Variants in STK33 observed in about 807,000 individuals in gnomAD.
STK33 encodes the protein serine/threonine kinase 33, also known as serine/threonine-protein kinase 33.
STK33 carries 52 observed loss-of-function variants against 58.0 expected under a neutral mutation model. The ratio of observed to expected loss-of-function variants is 0.90; its 90% CI spans 0.72 to 1.13. The LOEUF (loss-of-function observed/expected upper bound fraction) is 1.13. STK33 is among the 50% of genes most tolerant of loss of function. STK33 has a pLI of 0.00. For missense variants in STK33, 630 were observed against 604.2 expected, an observed-to-expected ratio of 1.04 and a Z score of -0.45; for synonymous variants, 215 against 200.1, an observed-to-expected ratio of 1.07 and a Z score of -0.63.
intron 2 of STK33, among the ~76,000 whole-genome samples, chr11:8,479,374 A>C (rs1286376181): frequency 6.6e-6 from 1 of 151,042 alleles, no homozygotes; most frequent in Non-Finnish European, 1.5e-5. Flanking sequence ...CGGAGATTGC[A>C]GTGAGCCAAG....
chr11:8,407,285 AGAGATATTGG>A (rs1939400978), intron 15 of STK33, among the ~76,000 whole-genome samples: 3 of 152,072 alleles, frequency 2.0e-5, no homozygotes, highest in African/African-American at 7.2e-5. Context: ...ATAATTTATG[AGAGATATTGG>A]CTAATAATTT....
chr11:8,412,167 T>G (rs1034798690), intron 15 of STK33, among the ~76,000 whole-genome samples: 1 of 152,196 alleles, frequency 6.6e-6, no homozygotes, highest in Non-Finnish European at 1.5e-5. Flanking sequence ...CATGTATATG[T>G]GTATGTGTGT....
At chr11:8,495,813 C>T (rs1158581340) in intron 1 of STK33, among the ~76,000 whole-genome samples, 1 of 152,040 alleles carries the variant, frequency 6.6e-6, no homozygotes, top group Non-Finnish European at 1.5e-5. Context: ...ATGGATGAAG[C>T]TGAAAACCAT....
intron 1 of STK33, among the ~76,000 whole-genome samples, chr11:8,539,636 G>T (rs1449341131): frequency 6.6e-6 from 1 of 152,152 alleles, no homozygotes; most frequent in Non-Finnish European, 1.5e-5. Flanking sequence ...GATAGCAAAA[G>T]ATTCGAAGAA....
At chr11:8,369,503 C>T in the STK33 span, among the ~76,000 whole-genome samples, 5 of 120,766 alleles carry the variant, frequency 4.1e-5, no homozygotes, top group Non-Finnish European at 8.1e-5. Flanking sequence ...GCTTCTTTGT[C>T]ATTTGTGTGG....
chr11:8,522,000 G>GA (rs552387226), intron 1 of STK33, among the ~76,000 whole-genome samples: 12 of 151,666 alleles, frequency 7.9e-5, no homozygotes, highest in African/African-American at 1.5e-4. Flanking sequence ...AGGATGTGGA[G>GA]AAAAAAAACA....
intron 11 of STK33, among the ~76,000 whole-genome samples, chr11:8,442,475 C>T (rs558250733): frequency 6.6e-6 from 1 of 152,276 alleles, no homozygotes; most frequent in East Asian, 1.9e-4. Context: ...ACTGTCATCC[C>T]AGCCCTCATA....
chr11:8,554,344 G>A (rs777862442), intron 1 of STK33, among the ~76,000 whole-genome samples: 4 of 151,134 alleles, frequency 2.6e-5, no homozygotes, highest in Non-Finnish European at 5.9e-5. Context: ...GCTTGAATCC[G>A]GGAGGTTGAG....
chr11:8,560,090 C>T (rs942527338), intron 1 of STK33, among the ~76,000 whole-genome samples: 27 of 151,994 alleles, frequency 1.8e-4, no homozygotes, highest in African/African-American at 6.5e-4. Context: ...ACAAATGATG[C>T]TATATGCAAT....
intron 1 of STK33, among the ~76,000 whole-genome samples, chr11:8,491,938 A>T (rs1950648011): frequency 6.6e-6 from 1 of 152,212 alleles, no homozygotes; most frequent in African/African-American, 2.4e-5. Context: ...AGAGCTCCTG[A>T]AGGAAGCACC....
chr11:8,564,566 T>C (rs920957482), intron 1 of STK33, among the ~76,000 whole-genome samples: 3 of 152,150 alleles, frequency 2.0e-5, no homozygotes, highest in African/African-American at 7.2e-5. Context: ...AATGTACTCT[T>C]CCTAAGTATC....
chr11:8,413,431 A>T, intron 15 of STK33, 64 bp downstream of exon 15: 1 of 1,570,670 alleles, frequency 6.4e-7, no homozygotes, highest in Non-Finnish European at 8.7e-7. Flanking sequence ...TTTGCAAAAA[A>T]AATGTTCCAG....
chr11:8,429,404 C>A (rs954881649), intron 14 of STK33, among the ~76,000 whole-genome samples: 1 of 152,160 alleles, frequency 6.6e-6, no homozygotes, highest in Non-Finnish European at 1.5e-5. Context: ...ACAAAACCAG[C>A]ACTTCTAGAC....
chr11:8,468,204 A>C (rs1349618412), intron 6 of STK33, among the ~76,000 whole-genome samples: 1 of 152,138 alleles, frequency 6.6e-6, no homozygotes, highest in East Asian at 1.9e-4. Context: ...TGTGCAGAGA[A>C]ACTCCCATTT....
intron 1 of STK33, among the ~76,000 whole-genome samples, chr11:8,574,401 GAAAGA>G (rs1022432631): frequency 6.6e-6 from 1 of 151,752 alleles, no homozygotes; most frequent in African/African-American, 2.4e-5. Flanking sequence ...AAAGTTAAAA[GAAAGA>G]AAAAAGATAA....
At chr11:8,534,253 C>A (rs565940825) in intron 1 of STK33, among the ~76,000 whole-genome samples, 1 of 150,014 alleles carries the variant, frequency 6.7e-6, no homozygotes, top group African/African-American at 2.5e-5. Flanking sequence ...CCAGCCTGGG[C>A]AACAAGAGCA....
intron 14 of STK33, among the ~76,000 whole-genome samples, chr11:8,422,677 C>T (rs913305936): frequency 2.0e-5 from 3 of 152,008 alleles, no homozygotes; most frequent in African/African-American, 7.2e-5. Context: ...CTATATTTTT[C>T]TAGGAAAAGA....
intron 1 of STK33, among the ~76,000 whole-genome samples, chr11:8,549,857 TTCTC>T (rs979934785): frequency 1.3e-5 from 2 of 152,332 alleles, no homozygotes; most frequent in Non-Finnish European, 1.5e-5. Flanking sequence ...TATTTGGGTC[TTCTC>T]TCTTTTTTCT....
chr11:8,527,000 T>C (rs1954094747), intron 1 of STK33, among the ~76,000 whole-genome samples: 1 of 146,158 alleles, frequency 6.8e-6, no homozygotes, highest in African/African-American at 2.5e-5. Flanking sequence ...AGATTGAGTC[T>C]CACTCTTGTT....
Sources: gnomAD v4.1 joint callset for allele counts (sites outside exome capture counted in the v4.1 genomes callset) on GRCh38, gnomAD v4.1.1 for gene constraint, MANE v1.5 for transcripts, NCBI Gene and HGNC (gene_info 2026-07-23, HGNC 2026-07-21) for gene names.